Variants in TRANK1 observed in about 807,000 individuals in gnomAD.
TRANK1 encodes tetratricopeptide repeat and ankyrin repeat containing 1.
In TRANK1, 198 loss-of-function variants were observed where a neutral mutation model predicts 266.0. The observed-to-expected ratio is 0.74, with a 90% CI of 0.66 to 0.84. The LOEUF (loss-of-function observed/expected upper bound fraction) is 0.84, where lower values mean the gene tolerates loss of function less well. Among genes scored for constraint, TRANK1 ranks in the 40% least tolerant of loss-of-function variants. TRANK1 has a pLI of 0.00. For missense variants in TRANK1, 3,326 were observed against 3,634.6 expected (o/e 0.92, Z 2.18); for synonymous variants, 1,396 against 1,384.1 (o/e 1.01, Z -0.19).
chr3:36,829,763 CTA>C lies in TRANK1; in HGVS notation c.8711-103_8711-102del, dbSNP rs2078670933. 7 of 1,261,726 alleles carry C rather than the reference CTA, an allele frequency of 5.5e-6. No individual in the cohort carries two copies. In the Admixed American group the frequency reaches 5.8e-5, roughly 10 times the overall value. The allele number at this position is 1,261,726 out of a possible 1,614,324, so 78.2% of individuals were successfully genotyped here. On this transcript the variant is annotated intron_variant, in intron 22 of 23. Coordinates refer to ENST00000645898, the MANE Select transcript of TRANK1 (RefSeq NM_001329998.2). The stretch of plus-strand genomic sequence containing the variant: ...GTCCCCACATCCCAAGAGCTGGTCT[CTA>C]TGTTTTCCCTGAAAAGAGCCCTCCT...
chr3:36,871,963 C>T (rs936037188), intron 9 of TRANK1, among the ~76,000 whole-genome samples: 3 of 152,202 alleles, frequency 2.0e-5, no homozygotes, highest in Non-Finnish European at 4.4e-5. Flanking sequence ...GGGAGTGTTT[C>T]TAGGGAAGCA....
rs537807403 is a variant in TRANK1, at chr3:36,898,143, A to G, written c.433+966T>C. On this transcript the variant is annotated intron_variant, in intron 4 of 23. Coordinates refer to ENST00000645898, the MANE Select transcript of TRANK1 (RefSeq NM_001329998.2). ...AACAAATATTTTCTCAATAGACTGG[A>G]AAAATACATGTGAAAAAGTACAGGA... 3.3e-5 allele frequency among the ~76,000 whole-genome samples: 5 copies of G among 152,318 alleles called. No homozygotes were observed. The South Asian group carries it at 1.0e-3, about 32-fold the overall frequency.
At chr3:36,943,960 G>T (rs1420642770) in intron 1 of TRANK1, among the ~76,000 whole-genome samples, 2 of 152,096 alleles carry the variant, frequency 1.3e-5, no homozygotes, top group East Asian at 1.9e-4. Flanking sequence ...CAACTGCCCA[G>T]AAACACCCCG....
chr3:36,873,394 A>G (rs764923763), intron 9 of TRANK1, among the ~76,000 whole-genome samples: 1 of 152,232 alleles, frequency 6.6e-6, no homozygotes, highest in Non-Finnish European at 1.5e-5. Context: ...GTATAAAAAT[A>G]TATACATGTT....
chr3:36,829,494 C>G, intron 23 of TRANK1, 70 bp downstream of exon 23: 7 of 1,522,266 alleles, frequency 4.6e-6, no homozygotes, highest in Non-Finnish European at 6.4e-6. Flanking sequence ...CAGATTCCCC[C>G]CGGGAGCCAG....
In TRANK1 at chr3:36,944,993, A is replaced by AG. The variant is rs1254330585; in HGVS notation, c.-185dup. On this transcript the variant is annotated 5_prime_UTR_variant, in exon 1 of 24. Coordinates refer to ENST00000645898, the MANE Select transcript of TRANK1 (RefSeq NM_001329998.2). ...GCGGCTCGGCTACCCAGCCGCGATC[A>AG]GAGGGGGCGGGGGACGCAGGAACCC... The AG allele has an allele frequency of 5.3e-5, 27 of 514,184 alleles. No individual in the cohort carries two copies. In the African/African-American group the frequency reaches 5.3e-4, roughly 10 times the overall value. The allele number at this position is 514,184 out of a possible 1,614,324, so 31.9% of individuals were successfully genotyped here. A position where few individuals can be genotyped will look rare whatever the true frequency, so the allele number is the denominator to read the frequency against.
rs760529771 is a variant in TRANK1 at position 36,833,825 on chromosome 3, TCA to T, written c.5756_5757del (p.Leu1919GlnfsTer4). The part of the protein sequence containing the change: ...QFYLEAAAKY[L>X]SANKMKEMMA... ...ATCATTTCCTTCATCTTATTTGCACTCAGATACTTTGCTGCAGCTTCCAAGTA... is the reference window on the plus strand; with the variant it reads ...ATCATTTCCTTCATCTTATTTGCACTGATACTTTGCTGCAGCTTCCAAGTA... On this transcript the variant is annotated frameshift_variant, in exon 22 of 24. Transcript: ENST00000645898. LOFTEE classifies it high-confidence loss of function. 6.2e-7 allele frequency: 1 copy of T among 1,614,004 alleles called. No homozygotes were observed. The highest frequency in any genetic ancestry group is 8.5e-7 in the Non-Finnish European group (1 of 1,179,900).
chr3:36,917,623 C>T (rs894853888), intron 1 of TRANK1, among the ~76,000 whole-genome samples: 18 of 152,090 alleles, frequency 1.2e-4, no homozygotes, highest in Non-Finnish European at 2.4e-4. Context: ...AAGAGAGAGG[C>T]GAGTTTAAGA....
intron 15 of TRANK1, chr3:36,850,073 A>G: frequency 1.0e-6 from 1 of 985,440 alleles, no homozygotes; most frequent in Non-Finnish European, 1.2e-6. Flanking sequence ...ACAGATCCTT[A>G]AGTCCAGAGC....
chr3:36,850,768 T>TA, intron 15 of TRANK1: 2 of 985,300 alleles, frequency 2.0e-6, no homozygotes, highest in Non-Finnish European at 2.4e-6. Context: ...AAATAACATT[T>TA]AAAAAATGAT....
At chr3:36,867,597 T>C (rs1199156455) in intron 9 of TRANK1, among the ~76,000 whole-genome samples, 2 of 152,354 alleles carry the variant, frequency 1.3e-5, no homozygotes, top group South Asian at 2.1e-4. Context: ...CTAAATTTCC[T>C]ATAAGCTTAA....
intron 4 of TRANK1, among the ~76,000 whole-genome samples, chr3:36,898,626 C>T (rs1364425268): frequency 6.6e-6 from 1 of 152,018 alleles, no homozygotes; most frequent in Non-Finnish European, 1.5e-5. Flanking sequence ...CCAAGGCGGG[C>T]GGATCACGAG....
At chr3:36,939,156 A>T (rs1266063122) in intron 1 of TRANK1, among the ~76,000 whole-genome samples, 1 of 151,602 alleles carries the variant, frequency 6.6e-6, no homozygotes, top group African/African-American at 2.4e-5. Flanking sequence ...TAAATAAATA[A>T]ATAACACAGA....
chr3:36,893,058 T>C, intron 5 of TRANK1, 74 bp from the exon 6 acceptor site: 4 of 767,198 alleles, frequency 5.2e-6, no homozygotes, highest in Non-Finnish European at 7.2e-6. Flanking sequence ...AAAGTTATTT[T>C]AAGCTTTAAA....
chr3:36,851,144 G>C (rs1314783823), intron 15 of TRANK1: 1 of 985,666 alleles, frequency 1.0e-6, no homozygotes, highest in East Asian at 1.1e-4. Context: ...GAGGTCACTG[G>C]GGGTCAATGT....
chr3:36,868,532 T>C (rs1005560752), intron 9 of TRANK1, among the ~76,000 whole-genome samples: 3 of 152,194 alleles, frequency 2.0e-5, no homozygotes, highest in African/African-American at 7.2e-5. Flanking sequence ...AGCAAAAGTG[T>C]TAGGTTTTAT....
chr3:36,840,443 G>A lies in TRANK1; in HGVS notation c.5281-1727C>T, dbSNP rs116541013. Among the ~76,000 whole-genome samples, 331 of 147,104 alleles carry A rather than the reference G, an allele frequency of 2.3e-3. 2 individuals carry two copies. The highest frequency in any genetic ancestry group is 7.7e-3 in the African/African-American group (303 of 39,300). On this transcript the variant is annotated intron_variant, in intron 18 of 23. Transcript: ENST00000645898. ...TTTCACCCCATATAATACATTGCCA[G>A]GGTGGCCACAGTTCTTAACTCCTCC... is the stretch of plus-strand genomic sequence containing the variant.
Position 36,944,793 on chromosome 3 carries a change from G to A in TRANK1, c.17C>T (p.Ala6Val), listed in dbSNP as rs1165808459. The A allele has an allele frequency of 6.7e-7, 1 of 1,494,076 alleles. No individual in the cohort carries two copies. The highest frequency in any genetic ancestry group is 2.2e-5 in the Admixed American group (1 of 46,340). 92.6% of individuals were successfully genotyped at this position (1,494,076 alleles called of 1,614,324 possible). Residue 6 changes from alanine (A) to valine (V), a missense_variant, in exon 1 of 24, where the codon GCA (alanine) becomes GTA (valine). Transcript: ENST00000645898. ...TTCCCGCGCCGCTACGCACCTAGCT[G>A]CCCGCGGGTCCCACATGGCTGCGGC... MWDPR[A>V]ARMDLTAYAE...
At chr3:36,909,382 G>A (rs1273080345) in intron 1 of TRANK1, among the ~76,000 whole-genome samples, 1 of 152,208 alleles carries the variant, frequency 6.6e-6, no homozygotes, top group East Asian at 1.9e-4. Context: ...GCCTTGGTAA[G>A]TGTGCTGAAC....
Sources: allele counts gnomAD v4.1 joint callset (sites outside exome capture counted in the v4.1 genomes callset), GRCh38; gene constraint gnomAD v4.1.1; transcripts MANE v1.5; gene names NCBI Gene and HGNC (gene_info 2026-07-23, HGNC 2026-07-21).